SPOPL: variants seen among roughly 807,000 people sequenced by gnomAD.
The protein encoded by SPOPL is speckle type BTB/POZ protein like, also known as speckle-type POZ protein-like.
SPOPL carries 23 observed loss-of-function variants against 53.8 expected under a neutral mutation model. The ratio of observed to expected loss-of-function variants is 0.43; its 90% CI spans 0.31 to 0.61. The LOEUF (loss-of-function observed/expected upper bound fraction) is 0.61. Among genes scored for constraint, SPOPL ranks in the 20% least tolerant of loss-of-function variants. The pLI is 0.12. For missense variants in SPOPL, 442 were observed against 466.9 expected (o/e 0.95, Z 0.49); for synonymous variants, 164 against 149.7 (o/e 1.10, Z -0.70).
rs989533470 is a variant in SPOPL, at chr2:138,573,447, A to G, written c.*4367A>G. 2.0e-5 allele frequency: 3 copies of G among 152,178 alleles called. No homozygotes were observed. The highest frequency in any genetic ancestry group is 7.2e-5 in the African/African-American group (3 of 41,446). The allele number at this position is 152,178 out of a possible 1,614,324, so 9.4% of individuals were successfully genotyped here. ...TTATTTTAATATGTATGAACCATCA[A>G]TACTGGATGACTTATTCTAATGCTA... On this transcript the variant is annotated 3_prime_UTR_variant, in exon 11 of 11. Coordinates refer to ENST00000280098, the MANE Select transcript of SPOPL (RefSeq NM_001001664.3).
At chr2:138,556,340 T>A (rs1685423386) in intron 5 of SPOPL, among the ~76,000 whole-genome samples, 1 of 152,232 alleles carries the variant, frequency 6.6e-6, no homozygotes, top group South Asian at 2.1e-4. Context: ...ATTTCTACAT[T>A]AAATACGTTA....
At chr2:138,556,591 T>C (rs1296424750) in intron 5 of SPOPL, among the ~76,000 whole-genome samples, 1 of 152,158 alleles carries the variant, frequency 6.6e-6, no homozygotes. Flanking sequence ...TCTATATCAT[T>C]AGGTTATAAT....
intron 5 of SPOPL, among the ~76,000 whole-genome samples, chr2:138,556,077 T>C (rs1441198094): frequency 6.6e-6 from 1 of 152,220 alleles, no homozygotes; most frequent in Non-Finnish European, 1.5e-5. Flanking sequence ...ATTGCATATG[T>C]CAATTTTTAA....
chr2:138,502,260 G>A (rs1199258170), intron 1 of SPOPL, 141 bp downstream of exon 1: 1 of 152,590 alleles, frequency 6.6e-6, no homozygotes. Flanking sequence ...CCCTGCTCGG[G>A]CGGCGAGCTC....
Position 138,570,755 on chromosome 2 carries a change from A to G in SPOPL, c.*1675A>G, listed in dbSNP as rs1028650695. On this transcript the variant is annotated 3_prime_UTR_variant, in exon 11 of 11. Transcript: ENST00000280098. ...TTTTCAAATAGACCTTATTTTTGCTATCTCTTTGTTAGGTGTTAACTGAAG... is the reference window on the plus strand; with the variant it reads ...TTTTCAAATAGACCTTATTTTTGCTGTCTCTTTGTTAGGTGTTAACTGAAG... 18 of 152,176 alleles carry G rather than the reference A, an allele frequency of 1.2e-4. No homozygotes were observed. Among genetic ancestry groups the G allele is most frequent in the African/African-American group, 4.3e-4 (18 of 41,448 alleles). The allele number at this position is 152,176 out of a possible 1,614,324, so 9.4% of individuals were successfully genotyped here.
intron 1 of SPOPL, among the ~76,000 whole-genome samples, chr2:138,542,845 G>A (rs1267257595): frequency 2.6e-5 from 4 of 152,116 alleles, no homozygotes; most frequent in African/African-American, 9.7e-5. Context: ...GGTCTTTACA[G>A]TTTGGCATGT....
intron 1 of SPOPL, among the ~76,000 whole-genome samples, chr2:138,516,881 TTGAG>T (rs1417651105): frequency 6.6e-6 from 1 of 152,232 alleles, no homozygotes; most frequent in Non-Finnish European, 1.5e-5. Context: ...TCTGCTTTAA[TTGAG>T]TATTTACCTC....
chr2:138,544,874 T>C (rs1685157218), intron 1 of SPOPL, among the ~76,000 whole-genome samples: 1 of 152,186 alleles, frequency 6.6e-6, no homozygotes, highest in South Asian at 2.1e-4. Context: ...CCATCTTGGC[T>C]CCACCCCCCA....
intron 1 of SPOPL, among the ~76,000 whole-genome samples, chr2:138,511,321 T>A (rs1475963935): frequency 1.3e-5 from 2 of 152,222 alleles, no homozygotes; most frequent in Non-Finnish European, 2.9e-5. Context: ...AGTTGTGTAA[T>A]GAAACCAGTA....
intron 1 of SPOPL, among the ~76,000 whole-genome samples, chr2:138,533,689 A>G (rs925268480): frequency 2.0e-5 from 3 of 152,114 alleles, no homozygotes; most frequent in African/African-American, 4.8e-5. Context: ...TATATGTTAT[A>G]TATTATATTA....
intron 1 of SPOPL, among the ~76,000 whole-genome samples, chr2:138,527,852 G>C (rs1277740564): frequency 6.6e-6 from 1 of 152,124 alleles, no homozygotes; most frequent in Non-Finnish European, 1.5e-5. Flanking sequence ...GAATGGGAAG[G>C]TTATGGACAC....
chr2:138,567,897 C>T lies in SPOPL; in HGVS notation c.1035-1039C>T, dbSNP rs79303526. Among the ~76,000 whole-genome samples, 14 of 152,134 alleles carry T rather than the reference C, an allele frequency of 9.2e-5. No individual in the cohort carries two copies. In the East Asian group the frequency reaches 1.4e-3, roughly 15 times the overall value. On this transcript the variant is annotated intron_variant, in intron 10 of 10. Transcript: ENST00000280098. The stretch of plus-strand genomic sequence containing the variant: ...GATTTGTTGCTTAAGCATTTATTTA[C>T]GGTTATTGTTTGGTGAGAGCATAGT...
At chr2:138,531,797 TTC>T (rs201496944) in intron 1 of SPOPL, among the ~76,000 whole-genome samples, 16 of 107,784 alleles carry the variant, frequency 1.5e-4, no homozygotes, top group Non-Finnish European at 4.3e-4. Context: ...GGGTTTTTTT[TTC>T]CTCCTAGCTT....
chr2:138,510,156 A>G (rs1448088130), intron 1 of SPOPL, among the ~76,000 whole-genome samples: 1 of 152,186 alleles, frequency 6.6e-6, no homozygotes, highest in Non-Finnish European at 1.5e-5. Context: ...CAAGTTTTGC[A>G]GATTATGAGT....
At chr2:138,550,453 A>G (rs570305590) in intron 2 of SPOPL, 30 bp from the exon 3 acceptor site, 1 of 1,596,600 alleles carries the variant, frequency 6.3e-7, no homozygotes, top group South Asian at 1.1e-5. Context: ...TACCGTCATC[A>G]TTATAAAAGT....
At chr2:138,560,644 A>G (rs980825028) in intron 7 of SPOPL, among the ~76,000 whole-genome samples, 161 bp from the exon 8 acceptor site, 6 of 151,980 alleles carry the variant, frequency 3.9e-5, no homozygotes, top group African/African-American at 9.7e-5. Context: ...ACCTACCTCA[A>G]TTTTAAAGTA....
In SPOPL at chr2:138,559,264, T is replaced by C. The variant is rs2104900469; in HGVS notation, c.659-18T>C. 6.2e-7 allele frequency: 1 copy of C among 1,612,280 alleles called. No homozygotes were observed. Among genetic ancestry groups the C allele is most frequent in the Non-Finnish European group, 8.5e-7 (1 of 1,179,348 alleles). On this transcript the variant is annotated intron_variant, in intron 6 of 10. Transcript: ENST00000280098. ...AATGCATTTATGCATAAAATAATGA[T>C]ACATAATCTTGTTACAGCTCGATCT...
At chr2:138,566,206 A>G (rs1463166029) in intron 10 of SPOPL, among the ~76,000 whole-genome samples, 2 of 152,182 alleles carry the variant, frequency 1.3e-5, no homozygotes, top group Non-Finnish European at 2.9e-5. Context: ...GTTGTCTTGT[A>G]TAATACGTTG....
At position 138,501,828 on chromosome 2, in the gene SPOPL, A is replaced by T. The variant is rs1456083908; in HGVS notation, c.-352A>T. 7.0e-6 allele frequency: 1 copy of T among 142,252 alleles called. No homozygotes were observed. The highest frequency in any genetic ancestry group is 1.5e-5 in the Non-Finnish European group (1 of 64,746). 8.8% of individuals were successfully genotyped at this position (142,252 alleles called of 1,614,324 possible). A position where few individuals can be genotyped will look rare whatever the true frequency, so the allele number is the denominator to read the frequency against. ...TCGTAACTCGGAAGCCGGAGCCCAG[A>T]CGGGCCCGCGGCGGGGGGGTGGGGG... is the stretch of plus-strand genomic sequence containing the variant. On this transcript the variant is annotated 5_prime_UTR_variant, in exon 1 of 11. Transcript: ENST00000280098.
Sources: gnomAD v4.1 joint callset for allele counts (sites outside exome capture counted in the v4.1 genomes callset) on GRCh38, gnomAD v4.1.1 for gene constraint, MANE v1.5 for transcripts, NCBI Gene and HGNC (gene_info 2026-07-23, HGNC 2026-07-21) for gene names.